KATNIP: variants seen among roughly 807,000 people sequenced by gnomAD.
KATNIP encodes the protein katanin interacting protein, also known as katanin-interacting protein.
KATNIP carries 126 observed loss-of-function variants against 174.0 expected under a neutral mutation model. The observed-to-expected ratio is 0.72, with a 90% CI of 0.63 to 0.84. The LOEUF is 0.84. Among genes scored for constraint, KATNIP ranks in the 40% least tolerant of loss-of-function variants. The probability of loss-of-function intolerance (pLI) is 0.00; values close to 1 mark genes in which losing one functional copy is unlikely to be tolerated. For synonymous variants in KATNIP, 810 were observed against 835.7 expected, an observed-to-expected ratio of 0.97 and a Z score of 0.53; for missense variants, 1,958 against 2,109.7, an observed-to-expected ratio of 0.93 and a Z score of 1.41.
chr16:27,648,598 G>A lies in KATNIP; in HGVS notation c.409-6G>A. On this transcript the variant is annotated splice_polypyrimidine_tract_variant and splice_region_variant and intron_variant, in intron 5 of 27. Transcript: ENST00000261588. The stretch of plus-strand genomic sequence containing the variant: ...CTTATCTGAAATGGCCTGCATTTTT[G>A]TACAGAAATCTGTGCAGATCAGAAC... The A allele has an allele frequency of 6.2e-7, 1 of 1,613,896 alleles. No homozygotes were observed. Among genetic ancestry groups the A allele is most frequent in the Non-Finnish European group, 8.5e-7 (1 of 1,179,928 alleles).
Position 27,618,475 on chromosome 16 carries a change from T to C in KATNIP, c.114T>C (p.Tyr38=). ...ACTTTGATGAGAAACATGATGAGTA[T>C]TTAATATTGCTTCAGCAGAGGAACC... is the stretch of plus-strand genomic sequence containing the variant. ...VTDFDEKHDE[Y]LILLQQRNRI... The change falls in exon 3 of 28, where the codon TAT becomes TAC. Residue 38 remains tyrosine, a synonymous_variant. Transcript: ENST00000261588. The C allele has an allele frequency of 6.2e-7, 1 of 1,613,398 alleles. No homozygotes were observed. Among genetic ancestry groups the C allele is most frequent in the East Asian group, 2.2e-5 (1 of 44,884 alleles).
chr16:27,763,417 G>A (rs1254748600), intron 19 of KATNIP, among the ~76,000 whole-genome samples: 3 of 148,622 alleles, frequency 2.0e-5, no homozygotes, highest in African/African-American at 7.5e-5. Context: ...GACCAGCCTG[G>A]GCAACATAGT....
chr16:27,570,887 C>T (rs553391032), intron 1 of KATNIP, among the ~76,000 whole-genome samples: 1 of 152,204 alleles, frequency 6.6e-6, no homozygotes, highest in South Asian at 2.1e-4. Context: ...GGGAGGGACA[C>T]GGAGTCTATT....
intron 6 of KATNIP, among the ~76,000 whole-genome samples, chr16:27,657,599 A>C (rs929802229): frequency 2.0e-5 from 3 of 151,798 alleles, no homozygotes; most frequent in Admixed American, 6.6e-5. Flanking sequence ...ACAAAAAACA[A>C]AACAAAACAA....
At chr16:27,699,902 T>A (rs956315480) in intron 10 of KATNIP, among the ~76,000 whole-genome samples, 4 of 152,000 alleles carry the variant, frequency 2.6e-5, no homozygotes, top group Non-Finnish European at 4.4e-5. Context: ...TTATTTATTT[T>A]TTTATTTTAT....
In KATNIP at chr16:27,677,845, C is replaced by A. The variant is rs2078179684; in HGVS notation, c.657C>A (p.Asp219Glu). 1.2e-6 allele frequency: 2 copies of A among 1,614,062 alleles called. No homozygotes were observed. The change falls in exon 7 of 28, where the codon GAC becomes GAA. Residue 219 changes from aspartate (D) to glutamate (E), a missense_variant. By Grantham distance (45) the Asp-to-Glu change is conservative. This residue lies in a region of KATNIP where 1,557 missense variants were observed against 1,617.8 expected (regional missense o/e 0.96). Coordinates refer to ENST00000261588, the MANE Select transcript of KATNIP (RefSeq NM_015202.5). Reference sequence around the variant, plus strand: ...TACTCTCTGAGCCTGAGCCAGAGGACCCGGCACTGGTGGGCCATCCCAGAC... The same window carrying A: ...TACTCTCTGAGCCTGAGCCAGAGGAACCGGCACTGGTGGGCCATCCCAGAC... Reference protein sequence around the residue: ...EDILSEPEPEDPALVGHPRHD... With the variant: ...EDILSEPEPEEPALVGHPRHD...
intron 2 of KATNIP, 27 bp downstream of exon 2, chr16:27,573,983 T>G: frequency 6.2e-7 from 1 of 1,607,462 alleles, no homozygotes; most frequent in Non-Finnish European, 8.5e-7. Context: ...CGAGGGCTGA[T>G]GGGAGGCAAC....
rs189095528 is a variant in KATNIP, at chr16:27,766,585, A to C, written c.3975+111A>C. Reference sequence around the variant, plus strand: ...GCATAAATCCTCCAGAATTTTCCAAACGGAGCTGGGGGCGTTATGTCCAGG... The same window carrying C: ...GCATAAATCCTCCAGAATTTTCCAACCGGAGCTGGGGGCGTTATGTCCAGG... On this transcript the variant is annotated intron_variant, in intron 20 of 27. Coordinates refer to ENST00000261588, the MANE Select transcript of KATNIP (RefSeq NM_015202.5). The C allele has an allele frequency of 2.4e-4, 274 of 1,158,962 alleles. 2 individuals carry two copies. In the African/African-American group the frequency reaches 4.0e-3, roughly 17 times the overall value. 71.8% of individuals were successfully genotyped at this position (1,158,962 alleles called of 1,614,324 possible).
rs372165349 is a variant in KATNIP at position 27,769,905 on chromosome 16, G to A, written c.4020G>A (p.Pro1340=). 1.3e-5 allele frequency: 21 copies of A among 1,614,078 alleles called. No individual in the cohort carries two copies. Among genetic ancestry groups the A allele is most frequent in the South Asian group, 5.5e-5 (5 of 91,082 alleles). ...CCCTGGATGGCCTGTGCGTCTCCCC[G>A]CCAGAGGGCTTTCTCATCCGGAAGG... ...HVSLDGLCVS[P]PEGFLIRKGP... The change falls in exon 21 of 28, where the codon CCG becomes CCA. Residue 1340 remains proline (P), a synonymous_variant. Transcript: ENST00000261588.
At chr16:27,572,253 TA>T (rs918432455) in intron 1 of KATNIP, among the ~76,000 whole-genome samples, 5 of 151,536 alleles carry the variant, frequency 3.3e-5, no homozygotes, top group Non-Finnish European at 5.9e-5. Flanking sequence ...CCCATCTCTA[TA>T]AAAAAAATTT....
At chr16:27,610,562 G>A (rs2142010144) in intron 2 of KATNIP, among the ~76,000 whole-genome samples, 1 of 152,266 alleles carries the variant, frequency 6.6e-6, no homozygotes, top group Middle Eastern at 3.4e-3. Context: ...ACCCCCTGCA[G>A]GGATCCCTAG....
chr16:27,771,713 A>C, intron 22 of KATNIP, 61 bp downstream of exon 22: 1 of 1,546,968 alleles, frequency 6.5e-7, no homozygotes, highest in South Asian at 1.1e-5. Flanking sequence ...CCTGGGCCGC[A>C]ACTGCCCAGC....
intron 15 of KATNIP, among the ~76,000 whole-genome samples, chr16:27,747,336 C>T (rs906018517): frequency 1.5e-4 from 23 of 152,060 alleles, no homozygotes; most frequent in Non-Finnish European, 1.0e-4. Context: ...ATTTCAGTGG[C>T]GGGTTAGGGA....
chr16:27,641,704 T>C (rs2076804670), intron 5 of KATNIP, among the ~76,000 whole-genome samples: 1 of 152,232 alleles, frequency 6.6e-6, no homozygotes, highest in African/African-American at 2.4e-5. Flanking sequence ...GTAAATGACC[T>C]GGGATACTGC....
At chr16:27,550,239 G>C (rs2089286958) in intron 1 of KATNIP, 62 bp downstream of exon 1, 1 of 1,571,720 alleles carries the variant, frequency 6.4e-7, no homozygotes. Flanking sequence ...TCCCGACCGC[G>C]CTTTGGGCAG....
Position 27,582,159 on chromosome 16 carries a change from C to T in KATNIP, c.63+8203C>T, listed in dbSNP as rs564998500. ...CTGTGAGTTTCAGACTCCACTAGCG[C>T]GCAAACTGCAGATACTTCCTTCCCT... On this transcript the variant is annotated intron_variant, in intron 2 of 27. Coordinates refer to ENST00000261588, the MANE Select transcript of KATNIP (RefSeq NM_015202.5). Among the ~76,000 whole-genome samples, 111 of 152,270 alleles carry T rather than the reference C, an allele frequency of 7.3e-4. 2 individuals are homozygous for T. The South Asian group carries it at 0.021, about 29-fold the overall frequency.
intron 6 of KATNIP, among the ~76,000 whole-genome samples, chr16:27,658,065 G>A (rs1426971617): frequency 6.6e-6 from 1 of 152,140 alleles, no homozygotes; most frequent in Non-Finnish European, 1.5e-5. Flanking sequence ...AATGGCATGG[G>A]AAATCTATAA....
rs144923654 is a variant in KATNIP, at chr16:27,721,594, C to T, written c.1642C>T (p.His548Tyr). 1 of 1,614,190 alleles carries T rather than the reference C, an allele frequency of 6.2e-7. No homozygotes were observed. The highest frequency in any genetic ancestry group is 8.5e-7 in the Non-Finnish European group (1 of 1,180,010). Residue 548 changes from histidine to tyrosine, a missense_variant, in exon 14 of 28, where the codon CAC becomes TAC. Physicochemically the swap from His to Tyr is moderately conservative, Grantham distance 83. This residue lies in a region of KATNIP where 1,557 missense variants were observed against 1,617.8 expected (regional missense o/e 0.96). Transcript: ENST00000261588. ...CTCCTCCCCGTGGACCTGCCCCTTCCACCCACCACTCCAGCTGTTTTTTGT... is the reference window on the plus strand; with the variant it reads ...CTCCTCCCCGTGGACCTGCCCCTTCTACCCACCACTCCAGCTGTTTTTTGT... Reference protein sequence around the residue: ...KDSSPWTCPFHPPLQLFFVIR... With the variant: ...KDSSPWTCPFYPPLQLFFVIR...
intron 2 of KATNIP, among the ~76,000 whole-genome samples, chr16:27,606,379 G>C (rs559992225): frequency 1.3e-5 from 2 of 152,020 alleles, no homozygotes; most frequent in African/African-American, 4.8e-5. Flanking sequence ...ATGCTTCTCT[G>C]AGCCCTTAGA....
Sources: allele counts gnomAD v4.1 joint callset (sites outside exome capture counted in the v4.1 genomes callset), GRCh38; gene constraint gnomAD v4.1.1; regional missense constraint gnomAD v4.1.1; transcripts MANE v1.5; gene names NCBI Gene and HGNC (gene_info 2026-07-23, HGNC 2026-07-21).